NPAS3: variants seen among roughly 807,000 people sequenced by gnomAD.
The protein encoded by NPAS3 is neuronal PAS domain protein 3.
In NPAS3, 14 loss-of-function variants were observed where a neutral mutation model predicts 73.1. The ratio of observed to expected loss-of-function variants is 0.19; its 90% CI spans 0.13 to 0.30. The LOEUF (loss-of-function observed/expected upper bound fraction) is 0.30. Ranked by LOEUF, NPAS3 falls within the 10% of genes least tolerant of loss-of-function variation. NPAS3 has a pLI of 1.00. For synonymous variants in NPAS3, 620 were observed against 541.5 expected (o/e 1.14, Z -2.01); for missense variants, 1,096 against 1,250.0 (o/e 0.88, Z 1.86).
At chr14:33,388,956 A>C (rs1055412268) in intron 4 of NPAS3, among the ~76,000 whole-genome samples, 1 of 152,072 alleles carries the variant, frequency 6.6e-6, no homozygotes, top group African/African-American at 2.4e-5. Context: ...TATTTTCATC[A>C]TTATCGCTAT....
intron 2 of NPAS3, among the ~76,000 whole-genome samples, chr14:33,206,985 A>G (rs1196495496): frequency 6.6e-6 from 1 of 152,084 alleles, no homozygotes; most frequent in African/African-American, 2.4e-5. Context: ...AATGGAAGTT[A>G]CACATGTGTG....
intron 6 of NPAS3, among the ~76,000 whole-genome samples, chr14:33,677,726 T>C (rs8018599): frequency 0.54 from 82,029 of 151,976 alleles, 22,655 homozygotes; most frequent in African/African-American, 0.68. Context: ...ATTCTTAGCA[T>C]TGGTGATCAT....
At chr14:32,939,782 G>A (rs373625173) in intron 1 of NPAS3, among the ~76,000 whole-genome samples, 6 of 152,026 alleles carry the variant, frequency 3.9e-5, no homozygotes, top group South Asian at 2.1e-4. Flanking sequence ...TCTCGAGGAA[G>A]GGAATGAGGC....
rs554643247 is a variant in NPAS3 at position 33,762,266 on chromosome 14, T to C, written c.853-12071T>C. On this transcript the variant is annotated intron_variant, in intron 7 of 11. Coordinates refer to ENST00000356141, the Ensembl canonical transcript of NPAS3. ...AAATTGAGATGCTGTCTTTTTTTTT[T>C]CCCTGTTTGTTCCCACACTTGAGTT... Among the ~76,000 whole-genome samples the C allele has an allele frequency of 7.9e-5, 12 of 151,910 alleles. 1 individual carries two copies. Among genetic ancestry groups the C allele is most frequent in the Middle Eastern group, 3.4e-3 (1 of 294 alleles).
At chr14:33,261,470 A>G (rs1180127023) in intron 3 of NPAS3, among the ~76,000 whole-genome samples, 1 of 152,144 alleles carries the variant, frequency 6.6e-6, no homozygotes, top group Non-Finnish European at 1.5e-5. Flanking sequence ...CATTGTACAT[A>G]TATTTAAAAG....
intron 2 of NPAS3, among the ~76,000 whole-genome samples, chr14:33,061,964 G>A (rs12436002): frequency 0.28 from 42,530 of 152,044 alleles, 6,363 homozygotes; most frequent in Middle Eastern, 0.38. Context: ...TAATGGTTTG[G>A]GCTAAAAGGC....
At chr14:33,483,662 C>T (rs2051438981) in intron 4 of NPAS3, among the ~76,000 whole-genome samples, 1 of 152,108 alleles carries the variant, frequency 6.6e-6, no homozygotes, top group African/African-American at 2.4e-5. Flanking sequence ...GTAGCTTCTC[C>T]ATTAGAAAAG....
At chr14:33,135,676 T>C (rs1330712152) in intron 2 of NPAS3, among the ~76,000 whole-genome samples, 1 of 151,594 alleles carries the variant, frequency 6.6e-6, no homozygotes, top group Non-Finnish European at 1.5e-5. Context: ...CAGTGGGGGT[T>C]AAAAAAAACA....
intron 5 of NPAS3, among the ~76,000 whole-genome samples, chr14:33,639,748 A>T (rs1370247572): frequency 6.6e-6 from 1 of 152,196 alleles, no homozygotes; most frequent in African/African-American, 2.4e-5. Context: ...TTCTTACATG[A>T]TTAACCAAAA....
intron 5 of NPAS3, among the ~76,000 whole-genome samples, chr14:33,633,985 A>G (rs1024696642): frequency 6.6e-6 from 1 of 152,296 alleles, no homozygotes; most frequent in East Asian, 1.9e-4. Context: ...CTCAAAAAAA[A>G]AGAGAAAAGA....
chr14:32,975,257 G>T lies in NPAS3; in HGVS notation c.50+35891G>T, dbSNP rs183662913. ...TCTTGTCTCCATTTGAGAAAGTATG[G>T]TTGTTTTTTTTCTTTGTCTGCCCTT... On this transcript the variant is annotated intron_variant, in intron 1 of 11. Transcript: ENST00000356141. Among the ~76,000 whole-genome samples the T allele has an allele frequency of 3.1e-3, 405 of 132,222 alleles. 4 individuals carry two copies. The highest frequency in any genetic ancestry group is 0.01 in the African/African-American group (395 of 38,942). 86.7% of individuals were successfully genotyped at this position (132,222 alleles called of 152,430 possible).
At chr14:33,077,184 A>G (rs2041688254) in intron 2 of NPAS3, among the ~76,000 whole-genome samples, 1 of 152,212 alleles carries the variant, frequency 6.6e-6, no homozygotes, top group African/African-American at 2.4e-5. Flanking sequence ...AACAATAAAC[A>G]GGAAAGTGGG....
chr14:33,264,799 C>A (rs1014067618), intron 3 of NPAS3, among the ~76,000 whole-genome samples: 4 of 152,162 alleles, frequency 2.6e-5, no homozygotes, highest in African/African-American at 9.7e-5. Context: ...GGCAGCCTGA[C>A]CTCTTGCCTC....
At chr14:33,198,053 TAGAGTTGTTTGTTCCTCCCGTCC>T (rs34458327) in intron 2 of NPAS3, among the ~76,000 whole-genome samples, 31,954 of 151,820 alleles carry the variant, frequency 0.21, 3,756 homozygotes, top group South Asian at 0.38. Flanking sequence ...GCAGTGCGTC[TAGAGTTGTTTGTTCCTCCCGTCC>T]AGAGTTGTTC....
In NPAS3 at chr14:33,800,897, G is replaced by A; in HGVS notation, c.2590G>A (p.Asp864Asn). 3 of 1,607,870 alleles carry A rather than the reference G, an allele frequency of 1.9e-6. No individual in the cohort carries two copies. The highest frequency in any genetic ancestry group is 2.5e-6 in the Non-Finnish European group (3 of 1,177,690). ...CGTTAACAGCCCCGGCTTTGGCCTC[G>A]ACCCCAAGACGCCCATGGAGATGCT... The change falls in exon 12 of 12, where the codon GAC becomes AAC. Residue 864 changes from aspartate (D) to asparagine (N), a missense_variant. By Grantham distance (23) the Asp-to-Asn change is conservative. Transcript: ENST00000356141. This position sits in a 1 kb window ranked among gnomAD's most constrained non-coding sequence, Gnocchi z 6.5.
intron 4 of NPAS3, among the ~76,000 whole-genome samples, chr14:33,437,069 G>A (rs1241901082): frequency 6.6e-6 from 1 of 152,190 alleles, no homozygotes; most frequent in Admixed American, 6.5e-5. Context: ...CTCTAGTGGT[G>A]ACCACAAGTC....
intron 5 of NPAS3, among the ~76,000 whole-genome samples, chr14:33,625,341 C>A (rs955540424): frequency 6.6e-6 from 1 of 152,224 alleles, no homozygotes; most frequent in Non-Finnish European, 1.5e-5. Context: ...AGTTAGTCAA[C>A]ATACAGGAAA....
At chr14:33,604,012 TA>T (rs533319213) in intron 5 of NPAS3, among the ~76,000 whole-genome samples, 10 of 142,498 alleles carry the variant, frequency 7.0e-5, no homozygotes, top group East Asian at 4.1e-4. Flanking sequence ...CTAAAACAAC[TA>T]AAAAAAAAAC....
chr14:33,755,333 T>G (rs1272331610), intron 7 of NPAS3, among the ~76,000 whole-genome samples: 1 of 152,216 alleles, frequency 6.6e-6, no homozygotes, highest in Non-Finnish European at 1.5e-5. Flanking sequence ...ACCTCCTCAT[T>G]TTATTTCTAT....
Sources: allele counts gnomAD v4.1 joint callset (sites outside exome capture counted in the v4.1 genomes callset), GRCh38; gene constraint gnomAD v4.1.1; non-coding constraint Gnocchi (gnomAD v3.1); transcripts MANE v1.5; gene names NCBI Gene and HGNC (gene_info 2026-07-23, HGNC 2026-07-21).